NRXN1: variants seen among roughly 807,000 people sequenced by gnomAD.
The protein encoded by NRXN1 is neurexin 1.
Under a neutral mutation model 150.9 loss-of-function variants are expected in NRXN1, and 39 were observed. That is an observed-to-expected ratio of 0.26 (90% confidence interval 0.20 to 0.34). The LOEUF (loss-of-function observed/expected upper bound fraction) is 0.34, where lower values mean the gene tolerates loss of function less well. NRXN1 is among the 10% of genes least tolerant of loss of function. NRXN1 has a pLI of 1.00. For missense variants in NRXN1, 1,815 were observed against 1,949.9 expected (o/e 0.93, Z 1.30); for synonymous variants, 924 against 757.0 (o/e 1.22, Z -3.62).
At chr2:50,376,425 C>T (rs1056015074) in intron 17 of NRXN1, among the ~76,000 whole-genome samples, 3 of 150,792 alleles carry the variant, frequency 2.0e-5, no homozygotes, top group African/African-American at 7.3e-5. Context: ...ATCCCTTAAA[C>T]TCCGCAATGT....
intron 18 of NRXN1, among the ~76,000 whole-genome samples, chr2:50,219,047 T>A (rs996459791): frequency 2.6e-5 from 4 of 152,044 alleles, no homozygotes; most frequent in Non-Finnish European, 4.4e-5. Flanking sequence ...CTATGGGTTT[T>A]ATTCCTTTGA....
At chr2:50,402,993 G>T (rs1204668063) in intron 17 of NRXN1, among the ~76,000 whole-genome samples, 2 of 152,092 alleles carry the variant, frequency 1.3e-5, no homozygotes, top group Non-Finnish European at 2.9e-5. Context: ...ATGTAAGGGT[G>T]CGGATTGGGG....
intron 15 of NRXN1, among the ~76,000 whole-genome samples, chr2:50,474,345 G>A (rs1252839602): frequency 1.3e-5 from 2 of 151,730 alleles, no homozygotes; most frequent in Non-Finnish European, 2.9e-5. Flanking sequence ...CATAAGAAAA[G>A]TAAAGCTTTC....
chr2:50,204,914 C>G (rs554192285), intron 18 of NRXN1, among the ~76,000 whole-genome samples: 1 of 152,056 alleles, frequency 6.6e-6, no homozygotes, highest in South Asian at 2.1e-4. Flanking sequence ...GGTGTTATTC[C>G]TACTAAAGCC....
chr2:50,597,002 G>A (rs1049782237), intron 8 of NRXN1, among the ~76,000 whole-genome samples: 3 of 150,370 alleles, frequency 2.0e-5, no homozygotes, highest in Non-Finnish European at 3.0e-5. Flanking sequence ...ACAGGCACAC[G>A]CCACCATCCA....
intron 17 of NRXN1, among the ~76,000 whole-genome samples, chr2:50,458,150 G>T (rs1380432770): frequency 6.6e-6 from 1 of 152,082 alleles, no homozygotes; most frequent in Non-Finnish European, 1.5e-5. Flanking sequence ...TGAACTGGAG[G>T]TCATTATGTT....
chr2:50,582,566 C>G (rs1285775695), intron 8 of NRXN1, among the ~76,000 whole-genome samples: 1 of 125,140 alleles, frequency 8.0e-6, no homozygotes, highest in South Asian at 2.6e-4. Flanking sequence ...AAAGAGGAAA[C>G]AACTACGAAC....
chr2:50,491,543 G>C (rs950140735), intron 15 of NRXN1, among the ~76,000 whole-genome samples: 6 of 152,130 alleles, frequency 3.9e-5, no homozygotes, highest in African/African-American at 1.4e-4. Flanking sequence ...TGATGATCCT[G>C]GTAAGAAGGA....
intron 21 of NRXN1, chr2:49,973,925 G>T: frequency 1.4e-6 from 1 of 713,290 alleles, no homozygotes. Context: ...GCATGCTGCA[G>T]ATCTAAGCTG....
chr2:50,439,455 T>C (rs1220090161), intron 17 of NRXN1, among the ~76,000 whole-genome samples: 1 of 152,042 alleles, frequency 6.6e-6, no homozygotes, highest in Non-Finnish European at 1.5e-5. Flanking sequence ...GCAGTAGCAG[T>C]TCTGACAGAC....
chr2:50,616,886 G>C (rs1573806757), intron 8 of NRXN1, among the ~76,000 whole-genome samples: 1 of 152,186 alleles, frequency 6.6e-6, no homozygotes, highest in African/African-American at 2.4e-5. Context: ...CATGCAGTGT[G>C]CTATCGACCA....
chr2:50,506,391 A>G, intron 13 of NRXN1, 104 bp downstream of exon 13: 1 of 986,858 alleles, frequency 1.0e-6, no homozygotes, highest in South Asian at 2.2e-5. Context: ...GATTGTGTGA[A>G]TACATTTCAA....
intron 15 of NRXN1, among the ~76,000 whole-genome samples, chr2:50,475,218 T>C (rs909086742): frequency 2.0e-5 from 3 of 152,140 alleles, no homozygotes; most frequent in East Asian, 1.9e-4. Flanking sequence ...AACTCAGTAA[T>C]AGAAATTATG....
intron 18 of NRXN1, among the ~76,000 whole-genome samples, chr2:50,091,971 G>A (rs1699643031): frequency 6.6e-6 from 1 of 152,170 alleles, no homozygotes; most frequent in Admixed American, 6.5e-5. Context: ...TTTAATGAGT[G>A]CAGTCCCTTA....
At chr2:50,256,542 A>G (rs2067716930) in intron 17 of NRXN1, among the ~76,000 whole-genome samples, 1 of 152,130 alleles carries the variant, frequency 6.6e-6, no homozygotes, top group African/African-American at 2.4e-5. Flanking sequence ...ACTTTATGCT[A>G]CCCAATTTGT....
intron 13 of NRXN1, among the ~76,000 whole-genome samples, chr2:50,505,182 A>T (rs1344074431): frequency 7.9e-5 from 12 of 152,196 alleles, no homozygotes; most frequent in African/African-American, 1.4e-4. Context: ...ATATTGACAA[A>T]TATAAAGCAA....
intron 5 of NRXN1, among the ~76,000 whole-genome samples, chr2:50,836,047 A>G (rs1672059159): frequency 6.6e-6 from 1 of 152,194 alleles, no homozygotes; most frequent in Non-Finnish European, 1.5e-5. Flanking sequence ...TAAAATTGAA[A>G]ACATTTTACT....
rs200877444 is a variant in NRXN1, at chr2:50,497,405, G to A, written c.2807C>T (p.Thr936Ile). Residue 936 changes from threonine to isoleucine, a missense_variant, in exon 14 of 23, where the codon ACA becomes ATA. Coordinates refer to ENST00000401669, the MANE Select transcript of NRXN1 (RefSeq NM_001330078.2). ...ATATAGAATTAATCCATCTAGGGAT[G>A]TTGTCTTGAACTGGAAAAAAAGATG... ...SMHLFFQFKT[T>I]SLDGLILYNS... The A allele has an allele frequency of 3.7e-6, 6 of 1,603,308 alleles. No individual in the cohort carries two copies. The highest frequency in any genetic ancestry group is 1.1e-5 in the South Asian group (1 of 88,978).
intron 8 of NRXN1, among the ~76,000 whole-genome samples, chr2:50,557,907 C>A (rs1374925811): frequency 3.9e-5 from 6 of 152,134 alleles, no homozygotes; most frequent in African/African-American, 1.4e-4. Context: ...CTTTTTCATG[C>A]TGATATTTAC....
Sources: gnomAD v4.1 joint callset for allele counts (sites outside exome capture counted in the v4.1 genomes callset) on GRCh38, gnomAD v4.1.1 for gene constraint, MANE v1.5 for transcripts, NCBI Gene and HGNC (gene_info 2026-07-23, HGNC 2026-07-21) for gene names.